SULF1: variants seen among roughly 807,000 people sequenced by gnomAD.
SULF1 encodes sulfatase 1.
A neutral mutation model predicts 110.5 loss-of-function variants in SULF1; 46 were observed. That is an observed-to-expected ratio of 0.42 (90% CI 0.33 to 0.53). The LOEUF is 0.53. SULF1 is among the 20% of genes least tolerant of loss of function. The pLI is 0.12. For synonymous variants in SULF1, 371 were observed against 387.1 expected (o/e 0.96, Z 0.49); for missense variants, 941 against 1,094.2 (o/e 0.86, Z 1.98).
chr8:69,491,344 T>C (rs1809932635), upstream of SULF1, among the ~76,000 whole-genome samples: 1 of 152,226 alleles, frequency 6.6e-6, no homozygotes, highest in Non-Finnish European at 1.5e-5. Flanking sequence ...GCTGTTGTGA[T>C]AGCACATATT....
At chr8:69,655,092 G>T (rs925785647) in intron 22 of SULF1, among the ~76,000 whole-genome samples, 6 of 152,212 alleles carry the variant, frequency 3.9e-5, no homozygotes, top group Admixed American at 6.5e-5. Context: ...CCTGGGGTAA[G>T]TGTCTATTTC....
Position 69,627,272 on chromosome 8 carries a change from C to T in SULF1, c.1913C>T (p.Ala638Val), listed in dbSNP as rs757756737. The T allele has an allele frequency of 2.5e-6, 4 of 1,613,894 alleles. No individual in the cohort carries two copies. The highest frequency in any genetic ancestry group is 1.7e-5 in the Admixed American group (1 of 59,990). ...AGAGAACTGTACCAATCGGCCAGAG[C>T]GTGGAAGGACCATAAGGCATACATT... ...CERELYQSAR[A>V]WKDHKAYIDK... The change falls in exon 16 of 23, where the codon GCG (alanine) becomes GTG (valine). Residue 638 changes from alanine (A) to valine (V), a missense_variant. Physicochemically the swap from Ala to Val is moderately conservative, Grantham distance 64. Around this residue, in one of 3 missense-constraint regions of SULF1, gnomAD observed 822 missense variants for 934.3 expected, o/e 0.88. Transcript: ENST00000402687.
chr8:69,558,920 T>C (rs986082587), intron 3 of SULF1, among the ~76,000 whole-genome samples: 2 of 152,176 alleles, frequency 1.3e-5, no homozygotes, highest in Non-Finnish European at 1.5e-5. Flanking sequence ...CTAAATGATA[T>C]ATTTTATTAA....
intron 5 of SULF1, among the ~76,000 whole-genome samples, chr8:69,565,201 G>C (rs541606956): frequency 6.6e-6 from 1 of 150,908 alleles, no homozygotes; most frequent in Non-Finnish European, 1.5e-5. Context: ...TATTGCTGAC[G>C]TTGGTTTGAG....
At chr8:69,609,792 G>GT (rs1212757192) in intron 13 of SULF1, among the ~76,000 whole-genome samples, 1 of 152,176 alleles carries the variant, frequency 6.6e-6, no homozygotes, top group East Asian at 1.9e-4. Context: ...AGATGCTTAT[G>GT]TTTAAGTCCC....
intron 5 of SULF1, among the ~76,000 whole-genome samples, chr8:69,570,022 A>G (rs900786519): frequency 6.6e-6 from 1 of 152,214 alleles, no homozygotes; most frequent in African/African-American, 2.4e-5. Flanking sequence ...TCACTGTTTC[A>G]TGTTTCATAC....
intron 8 of SULF1, among the ~76,000 whole-genome samples, chr8:69,593,500 G>A (rs57938609): frequency 0.035 from 5,251 of 152,158 alleles, 110 homozygotes; most frequent in African/African-American, 0.064. Flanking sequence ...ATCTGGCATC[G>A]GGTTATAACT....
intron 22 of SULF1, among the ~76,000 whole-genome samples, chr8:69,644,999 G>A (rs920347284): frequency 6.6e-6 from 1 of 152,104 alleles, no homozygotes; most frequent in Non-Finnish European, 1.5e-5. Context: ...TGGAGCAGGG[G>A]CAGGGTTTGG....
At chr8:69,539,533 T>C (rs1813715251) in intron 3 of SULF1, among the ~76,000 whole-genome samples, 1 of 152,094 alleles carries the variant, frequency 6.6e-6, no homozygotes, top group South Asian at 2.1e-4. Flanking sequence ...TACATTTGAG[T>C]TGAAGAAATA....
At chr8:69,650,661 A>T (rs1812269891) in intron 22 of SULF1, among the ~76,000 whole-genome samples, 1 of 152,158 alleles carries the variant, frequency 6.6e-6, no homozygotes, top group Non-Finnish European at 1.5e-5. Context: ...TATTTCTATC[A>T]GTATGGACTT....
At chr8:69,538,954 G>A (rs759956840) in intron 3 of SULF1, among the ~76,000 whole-genome samples, 32 of 152,206 alleles carry the variant, frequency 2.1e-4, no homozygotes, top group African/African-American at 1.4e-4. Context: ...GCCTCCCAAA[G>A]TGCTGGGATT....
At chr8:69,628,002 T>C in intron 17 of SULF1, 136 bp downstream of exon 17, 1 of 886,874 alleles carries the variant, frequency 1.1e-6, no homozygotes, top group Non-Finnish European at 1.8e-6. Flanking sequence ...GCTATTTAAG[T>C]AAAACTAAAT....
At chr8:69,489,110 A>G (rs909535875), upstream of SULF1, among the ~76,000 whole-genome samples, 1 of 152,154 alleles carries the variant, frequency 6.6e-6, no homozygotes, top group African/African-American at 2.4e-5. Flanking sequence ...GCTCAAAGAT[A>G]ATAAATACCA....
intron 6 of SULF1, among the ~76,000 whole-genome samples, chr8:69,577,371 A>ATT (rs1805688362): frequency 6.6e-6 from 1 of 152,178 alleles, no homozygotes; most frequent in Non-Finnish European, 1.5e-5. Context: ...TTTATAACTG[A>ATT]GGTGGGGATT....
At chr8:69,581,866 G>A (rs977859093) in intron 6 of SULF1, among the ~76,000 whole-genome samples, 6 of 152,138 alleles carry the variant, frequency 3.9e-5, no homozygotes, top group African/African-American at 1.4e-4. Context: ...CAACAGTGCT[G>A]CACCCTGACA....
chr8:69,531,742 T>G (rs1198963653), intron 3 of SULF1, among the ~76,000 whole-genome samples: 1 of 152,202 alleles, frequency 6.6e-6, no homozygotes, highest in Non-Finnish European at 1.5e-5. Flanking sequence ...CTGGAAATGT[T>G]TTTTAAATGT....
intron 1 of SULF1, among the ~76,000 whole-genome samples, chr8:69,485,191 T>C (rs1809655513): frequency 6.6e-6 from 1 of 152,204 alleles, no homozygotes; most frequent in East Asian, 1.9e-4. Flanking sequence ...CCATAATATT[T>C]ATTTGCATAA....
upstream of SULF1, among the ~76,000 whole-genome samples, chr8:69,492,299 C>G (rs376793163): frequency 6.6e-6 from 1 of 151,830 alleles, no homozygotes; most frequent in African/African-American, 2.4e-5. Flanking sequence ...CCGTTTATTG[C>G]TCCCACAGAG....
At chr8:69,610,318 A>G (rs996808138) in intron 13 of SULF1, among the ~76,000 whole-genome samples, 5 of 152,324 alleles carry the variant, frequency 3.3e-5, no homozygotes, top group African/African-American at 1.2e-4. Context: ...CTCTGGCCGT[A>G]TATCCTTCTG....
Sources: gnomAD v4.1 joint callset for allele counts (sites outside exome capture counted in the v4.1 genomes callset) on GRCh38, gnomAD v4.1.1 for gene constraint, gnomAD v4.1.1 regional missense constraint, MANE v1.5 for transcripts, NCBI Gene and HGNC (gene_info 2026-07-23, HGNC 2026-07-21) for gene names.